Variants in SNTB1 observed in about 807,000 individuals in gnomAD.
SNTB1 encodes the protein beta-1-syntrophin.
A neutral mutation model predicts 48.9 loss-of-function variants in SNTB1; 36 were observed. The ratio of observed to expected loss-of-function variants is 0.74; its 90% confidence interval spans 0.56 to 0.97. SNTB1 has a LOEUF of 0.97. Ranked by LOEUF, SNTB1 falls within the 50% of genes least tolerant of loss-of-function variation. The pLI is 0.00. For synonymous variants in SNTB1, 299 were observed against 294.6 expected, an observed-to-expected ratio of 1.01 and a Z score of -0.15; for missense variants, 786 against 703.4, an observed-to-expected ratio of 1.12 and a Z score of -1.33.
chr8:120,599,711 C>G (rs1816391664), intron 3 of SNTB1, among the ~76,000 whole-genome samples: 1 of 151,988 alleles, frequency 6.6e-6, no homozygotes, highest in Non-Finnish European at 1.5e-5. Flanking sequence ...AAAGAGATGT[C>G]GTAGTTGTAA....
At chr8:120,554,783 C>A (rs1373646798) in intron 4 of SNTB1, among the ~76,000 whole-genome samples, 1 of 152,092 alleles carries the variant, frequency 6.6e-6, no homozygotes, top group Non-Finnish European at 1.5e-5. Flanking sequence ...TACCTGTGGC[C>A]TCATTAATCC....
chr8:120,746,782 G>C (rs1440057190), intron 1 of SNTB1, among the ~76,000 whole-genome samples: 1 of 152,132 alleles, frequency 6.6e-6, no homozygotes, highest in Admixed American at 6.5e-5. Flanking sequence ...TGGGAGAAAT[G>C]GCATTTCCTA....
chr8:120,727,945 C>G (rs1304221439), intron 1 of SNTB1, among the ~76,000 whole-genome samples: 1 of 152,210 alleles, frequency 6.6e-6, no homozygotes, highest in Non-Finnish European at 1.5e-5. Flanking sequence ...TACGGTATTA[C>G]TATGCAGATA....
intron 5 of SNTB1, among the ~76,000 whole-genome samples, chr8:120,542,710 CCACA>C (rs5894525): frequency 6.7e-6 from 1 of 149,560 alleles, no homozygotes; most frequent in African/African-American, 2.4e-5. Flanking sequence ...ACCTTATCAT[CCACA>C]CACACACACA....
At chr8:120,554,593 A>G (rs1345671676) in intron 4 of SNTB1, among the ~76,000 whole-genome samples, 1 of 152,140 alleles carries the variant, frequency 6.6e-6, no homozygotes, top group Admixed American at 6.5e-5. Flanking sequence ...GTCACCAAAA[A>G]TTGGGTAAAT....
rs6995765 is a variant in SNTB1 at position 120,542,316 on chromosome 8, A to G, written c.1334-316T>C. Among the ~76,000 whole-genome samples, 1,184 of 152,332 alleles carry G rather than the reference A, an allele frequency of 7.8e-3. 18 individuals carry two copies. Among genetic ancestry groups the G allele is most frequent in the African/African-American group, 0.025 (1,024 of 41,570 alleles). On this transcript the variant is annotated intron_variant, in intron 5 of 6. Transcript: ENST00000517992. ...GCTCTATAGGTGTACTTGCCTTCCAATGGCCCTGTGGGCCTTGTCTCAAGC... is the reference window on the plus strand; with the variant it reads ...GCTCTATAGGTGTACTTGCCTTCCAGTGGCCCTGTGGGCCTTGTCTCAAGC...
chr8:120,665,383 C>T lies in SNTB1; in HGVS notation c.788+28309G>A, dbSNP rs768469507. On this transcript the variant is annotated intron_variant, in intron 2 of 6. Coordinates refer to ENST00000517992, the MANE Select transcript of SNTB1 (RefSeq NM_021021.4). ...AGGAGAATTGCTTGAACCTGGGAGGCGGAGTTTACAGTGAGCTGAGATCGT... is the reference window on the plus strand; with the variant it reads ...AGGAGAATTGCTTGAACCTGGGAGGTGGAGTTTACAGTGAGCTGAGATCGT... Among the ~76,000 whole-genome samples the T allele has an allele frequency of 1.4e-3, 206 of 152,048 alleles. 1 individual carries two copies. The highest frequency in any genetic ancestry group is 9.9e-4 in the Non-Finnish European group (67 of 67,978).
At chr8:120,547,149 A>G (rs979503534) in intron 5 of SNTB1, among the ~76,000 whole-genome samples, 2 of 152,226 alleles carry the variant, frequency 1.3e-5, no homozygotes, top group African/African-American at 4.8e-5. Context: ...TAGGCAAAGT[A>G]TTGTGACACA....
At chr8:120,636,215 C>G (rs371716609) in intron 2 of SNTB1, among the ~76,000 whole-genome samples, 16 of 152,032 alleles carry the variant, frequency 1.1e-4, no homozygotes, top group African/African-American at 3.1e-4. Flanking sequence ...GCTGGCTCAG[C>G]TTCCTCTTTC....
chr8:120,575,529 T>C (rs1460301934), intron 3 of SNTB1, among the ~76,000 whole-genome samples: 1 of 152,196 alleles, frequency 6.6e-6, no homozygotes, highest in Non-Finnish European at 1.5e-5. Context: ...GGGAGGCAAA[T>C]GCCTGGGGGA....
chr8:120,562,047 C>T (rs1815669734), intron 4 of SNTB1, among the ~76,000 whole-genome samples: 1 of 152,224 alleles, frequency 6.6e-6, no homozygotes. Context: ...TCATTAACCT[C>T]AGTCCTTAGA....
intron 4 of SNTB1, among the ~76,000 whole-genome samples, chr8:120,558,824 C>A (rs1021973740): frequency 1.3e-5 from 2 of 152,076 alleles, no homozygotes; most frequent in African/African-American, 2.4e-5. Context: ...CAGTGTTTGG[C>A]ACAGAATACA....
intron 1 of SNTB1, among the ~76,000 whole-genome samples, chr8:120,808,125 G>A (rs937618155): frequency 2.6e-5 from 4 of 152,064 alleles, no homozygotes; most frequent in African/African-American, 9.7e-5. Context: ...ATGTTGACCA[G>A]GCTGGTCTTG....
rs904953242 is a variant in SNTB1 at position 120,535,922 on chromosome 8, G to T, written c.*2955C>A. The T allele has an allele frequency of 6.6e-6, 1 of 152,078 alleles. No individual in the cohort carries two copies. Among genetic ancestry groups the T allele is most frequent in the Non-Finnish European group, 1.5e-5 (1 of 68,008 alleles). 9.4% of individuals were successfully genotyped at this position (152,078 alleles called of 1,614,324 possible). A position where few individuals can be genotyped will look rare whatever the true frequency, so the allele number is the denominator to read the frequency against. ...GAATATCTAACGTGTTTGGAAAACA[G>T]GGTCCAGAAAGGCCCTGCCCATTAA... is the stretch of plus-strand genomic sequence containing the variant. On this transcript the variant is annotated 3_prime_UTR_variant, in exon 7 of 7. Coordinates refer to ENST00000517992, the MANE Select transcript of SNTB1 (RefSeq NM_021021.4).
At chr8:120,711,146 A>G (rs1289154722) in intron 1 of SNTB1, among the ~76,000 whole-genome samples, 2 of 152,314 alleles carry the variant, frequency 1.3e-5, no homozygotes, top group African/African-American at 4.8e-5. Context: ...GAGAGTTTTA[A>G]CAAGCCTGGG....
intron 1 of SNTB1, among the ~76,000 whole-genome samples, chr8:120,717,811 A>C (rs1474252577): frequency 6.6e-6 from 1 of 152,188 alleles, no homozygotes; most frequent in Non-Finnish European, 1.5e-5. Flanking sequence ...CTGTTAAAGG[A>C]AGGATCTGCA....
chr8:120,743,417 T>G (rs1819076249), intron 1 of SNTB1, among the ~76,000 whole-genome samples: 1 of 152,176 alleles, frequency 6.6e-6, no homozygotes, highest in Admixed American at 6.5e-5. Flanking sequence ...TGGCCAGCAT[T>G]ACTCATGTTA....
chr8:120,569,492 C>T (rs1209348079), intron 4 of SNTB1, among the ~76,000 whole-genome samples: 1 of 152,176 alleles, frequency 6.6e-6, no homozygotes, highest in Non-Finnish European at 1.5e-5. Flanking sequence ...GCACATCCAT[C>T]TCTCCTTCTG....
In SNTB1 at chr8:120,625,447, T is replaced by C. The variant is rs183866586; in HGVS notation, c.996+6997A>G. Among the ~76,000 whole-genome samples the C allele has an allele frequency of 2.0e-5, 3 of 152,324 alleles. No individual in the cohort carries two copies. In the East Asian group the frequency reaches 5.8e-4, roughly 29 times the overall value. On this transcript the variant is annotated intron_variant, in intron 3 of 6. Transcript: ENST00000517992. ...ACTTTACTAAATTCAATTTACTAAA[T>C]TCAGATGACTGTGAAGGCATGCAGA...
Sources: gnomAD v4.1 joint callset for allele counts (sites outside exome capture counted in the v4.1 genomes callset) on GRCh38, gnomAD v4.1.1 for gene constraint, MANE v1.5 for transcripts, NCBI Gene and HGNC (gene_info 2026-07-23, HGNC 2026-07-21) for gene names.